DLG2: variants seen among roughly 807,000 people sequenced by gnomAD.
DLG2 encodes disks large homolog 2.
Under a neutral mutation model 132.5 loss-of-function variants are expected in DLG2, and 45 were observed. That is an observed-to-expected ratio of 0.34 (90% CI 0.27 to 0.44). DLG2 has a LOEUF of 0.44. DLG2 is among the 20% of genes least tolerant of loss of function. The pLI is 1.00. For missense variants in DLG2, 1,045 were observed against 1,196.9 expected (o/e 0.87, Z 1.87); for synonymous variants, 424 against 419.6 (o/e 1.01, Z -0.13).
intron 6 of DLG2, among the ~76,000 whole-genome samples, chr11:84,905,046 T>C (rs1399511554): frequency 3.9e-5 from 6 of 152,216 alleles, no homozygotes; most frequent in African/African-American, 1.2e-4. Context: ...CAGTTAATTG[T>C]TGTATTTTAT....
At chr11:84,664,583 A>C (rs2099697985) in intron 6 of DLG2, among the ~76,000 whole-genome samples, 1 of 152,104 alleles carries the variant, frequency 6.6e-6, no homozygotes, top group South Asian at 2.1e-4. Flanking sequence ...TTTCAAACTT[A>C]TGCCTGGAGG....
intron 10 of DLG2, among the ~76,000 whole-genome samples, chr11:84,065,389 T>C (rs2154137754): frequency 6.6e-6 from 1 of 152,156 alleles, no homozygotes; most frequent in East Asian, 1.9e-4. Flanking sequence ...AATAACACCA[T>C]TAAAAAGTGC....
intron 5 of DLG2, among the ~76,000 whole-genome samples, chr11:85,117,516 C>T (rs1030068917): frequency 1.3e-5 from 2 of 151,540 alleles, no homozygotes; most frequent in Non-Finnish European, 2.9e-5. Flanking sequence ...AACACAATTC[C>T]AGTTTAATAA....
In DLG2 at chr11:84,645,629, G is replaced by A. The variant is rs1172557857; in HGVS notation, c.358-110898C>T. ...ACTACAGGCGCCCACCACCATGCCC[G>A]GCTAATTTTTTGTATTTTTAGTAGA... On this transcript the variant is annotated intron_variant, in intron 6 of 27. Transcript: ENST00000376104. Among the ~76,000 whole-genome samples the A allele has an allele frequency of 2.0e-5, 3 of 152,008 alleles. 1 individual carries two copies. The highest frequency in any genetic ancestry group is 7.2e-5 in the African/African-American group (3 of 41,386).
At chr11:85,160,833 A>T (rs1407782564) in intron 4 of DLG2, among the ~76,000 whole-genome samples, 1 of 152,162 alleles carries the variant, frequency 6.6e-6, no homozygotes, top group African/African-American at 2.4e-5. Context: ...ACAATTATGC[A>T]GGCACCATAC....
chr11:83,943,317 A>G (rs1393871878), intron 14 of DLG2, among the ~76,000 whole-genome samples: 1 of 152,198 alleles, frequency 6.6e-6, no homozygotes, highest in East Asian at 1.9e-4. Context: ...CCAGGGGAGG[A>G]CTGTTAGGGA....
chr11:85,234,149 A>G (rs2075451994), intron 4 of DLG2, among the ~76,000 whole-genome samples: 1 of 151,970 alleles, frequency 6.6e-6, no homozygotes, highest in South Asian at 2.1e-4. Flanking sequence ...ACTACTGATT[A>G]TAATATAGTA....
At chr11:83,717,603 T>C (rs1223256194) in intron 18 of DLG2, among the ~76,000 whole-genome samples, 1 of 152,198 alleles carries the variant, frequency 6.6e-6, no homozygotes, top group Non-Finnish European at 1.5e-5. Flanking sequence ...ACTATAGCTG[T>C]CACGACAGTT....
At chr11:83,955,591 T>A (rs1051945711) in intron 14 of DLG2, among the ~76,000 whole-genome samples, 3 of 152,214 alleles carry the variant, frequency 2.0e-5, no homozygotes, top group Admixed American at 2.0e-4. Context: ...CAATCAAATG[T>A]TGCCTTTTCC....
chr11:84,265,552 A>C (rs1379221039), intron 7 of DLG2, among the ~76,000 whole-genome samples: 1 of 152,132 alleles, frequency 6.6e-6, no homozygotes, highest in East Asian at 1.9e-4. Flanking sequence ...GGCCATTTCA[A>C]CTTTCTAAGC....
intron 3 of DLG2, among the ~76,000 whole-genome samples, chr11:85,420,591 T>A (rs957718181): frequency 6.6e-6 from 1 of 152,222 alleles, no homozygotes; most frequent in Non-Finnish European, 1.5e-5. Context: ...ATAAGCCCCC[T>A]GACTGTGGCT....
At chr11:83,903,544 T>C (rs1205785075) in intron 15 of DLG2, among the ~76,000 whole-genome samples, 1 of 152,158 alleles carries the variant, frequency 6.6e-6, no homozygotes, top group Non-Finnish European at 1.5e-5. Context: ...AGCACTTTAT[T>C]GAAATTTATT....
chr11:84,078,677 A>G (rs888014509), intron 10 of DLG2, among the ~76,000 whole-genome samples: 5 of 152,212 alleles, frequency 3.3e-5, no homozygotes, highest in Non-Finnish European at 7.3e-5. Flanking sequence ...TCCTAGAGGT[A>G]CACCTTACTC....
intron 7 of DLG2, among the ~76,000 whole-genome samples, chr11:84,299,864 G>C (rs570502423): frequency 7.9e-5 from 12 of 152,268 alleles, no homozygotes; most frequent in African/African-American, 2.9e-4. Context: ...TCATGCTGCA[G>C]GTATGTTGTT....
At chr11:83,654,431 A>G (rs2071667581) in intron 18 of DLG2, among the ~76,000 whole-genome samples, 1 of 151,962 alleles carries the variant, frequency 6.6e-6, no homozygotes, top group Admixed American at 6.6e-5. Flanking sequence ...TTTTAGTTTT[A>G]TTTTTTCTTC....
At chr11:85,140,208 G>T (rs531505287) in intron 5 of DLG2, among the ~76,000 whole-genome samples, 11 of 152,024 alleles carry the variant, frequency 7.2e-5, no homozygotes, top group African/African-American at 2.2e-4. Flanking sequence ...ATACAGTGTT[G>T]TATCTTCAGT....
At position 84,781,059 on chromosome 11, in the gene DLG2, G is replaced by A. The variant is rs1478746123; in HGVS notation, c.358-246328C>T. On this transcript the variant is annotated intron_variant, in intron 6 of 27. Coordinates refer to ENST00000376104, the MANE Select transcript of DLG2 (RefSeq NM_001142699.3). ...TGCCAAAAGTTCATCATAACTTAAT[G>A]TGTGTGTGTGTGTGTGTGTGTGTGT... is the stretch of plus-strand genomic sequence containing the variant. Among the ~76,000 whole-genome samples, 3 of 84,218 alleles carry A rather than the reference G, an allele frequency of 3.6e-5. No individual in the cohort carries two copies. The East Asian group carries it at 6.3e-4, about 18-fold the overall frequency. 55.3% of individuals were successfully genotyped at this position (84,218 alleles called of 152,430 possible). A position where few individuals can be genotyped will look rare whatever the true frequency, so the allele number is the denominator to read the frequency against.
intron 7 of DLG2, among the ~76,000 whole-genome samples, chr11:84,379,396 A>T (rs896142032): frequency 6.6e-6 from 1 of 152,156 alleles, no homozygotes; most frequent in Non-Finnish European, 1.5e-5. Flanking sequence ...AGCTATTGAA[A>T]ATAGCCTTTA....
intron 4 of DLG2, among the ~76,000 whole-genome samples, chr11:85,276,176 CATA>C (rs1205754710): frequency 2.6e-5 from 4 of 152,212 alleles, no homozygotes; most frequent in Non-Finnish European, 1.5e-5. Flanking sequence ...ACTCTCTCAC[CATA>C]ATATTTTCAA....
Sources: gnomAD v4.1 joint callset for allele counts (sites outside exome capture counted in the v4.1 genomes callset) on GRCh38, gnomAD v4.1.1 for gene constraint, MANE v1.5 for transcripts, NCBI Gene and HGNC (gene_info 2026-07-23, HGNC 2026-07-21) for gene names.